NKAIN2: variants seen among roughly 807,000 people sequenced by gnomAD.
The protein encoded by NKAIN2 is sodium/potassium transporting ATPase interacting 2, also known as sodium/potassium-transporting ATPase subunit beta-1-interacting protein 2.
In NKAIN2, 14 loss-of-function variants were observed where a neutral mutation model predicts 32.6. The observed-to-expected ratio is 0.43, with a 90% CI of 0.28 to 0.67. The LOEUF is 0.67. NKAIN2 is among the 30% of genes least tolerant of loss of function. The pLI is 0.17. For missense variants in NKAIN2, 198 were observed against 258.3 expected, an observed-to-expected ratio of 0.77 and a Z score of 1.60; for synonymous variants, 80 against 87.2, an observed-to-expected ratio of 0.92 and a Z score of 0.46.
chr6:124,686,243 A>T (rs1773873276), intron 4 of NKAIN2, among the ~76,000 whole-genome samples: 1 of 152,192 alleles, frequency 6.6e-6, no homozygotes, highest in Non-Finnish European at 1.5e-5. Flanking sequence ...CAGGCCTTAC[A>T]TACAACCTGT....
chr6:124,611,438 G>T (rs1782685783), intron 3 of NKAIN2, among the ~76,000 whole-genome samples: 1 of 152,092 alleles, frequency 6.6e-6, no homozygotes, highest in Non-Finnish European at 1.5e-5. Flanking sequence ...GTATACATGT[G>T]CCATGGTGGT....
chr6:123,933,337 A>G (rs1348282279), intron 1 of NKAIN2, among the ~76,000 whole-genome samples: 1 of 152,192 alleles, frequency 6.6e-6, no homozygotes, highest in Admixed American at 6.6e-5. Flanking sequence ...TTCTAAATGC[A>G]AATAAGACCA....
chr6:124,385,921 T>C (rs1772878793), intron 3 of NKAIN2, among the ~76,000 whole-genome samples: 1 of 152,158 alleles, frequency 6.6e-6, no homozygotes, highest in Admixed American at 6.6e-5. Context: ...AGACTTTATT[T>C]CTCAGCATAA....
At chr6:124,659,721 T>C (rs773765062) in intron 4 of NKAIN2, among the ~76,000 whole-genome samples, 1 of 151,862 alleles carries the variant, frequency 6.6e-6, no homozygotes, top group Non-Finnish European at 1.5e-5. Flanking sequence ...CTGTGGAGGG[T>C]CTACATGGGC....
At chr6:124,339,819 G>C (rs374181368) in intron 2 of NKAIN2, among the ~76,000 whole-genome samples, 28 of 152,242 alleles carry the variant, frequency 1.8e-4, no homozygotes, top group African/African-American at 6.0e-4. Flanking sequence ...ACTATTGTGC[G>C]TGTGGAAGGT....
chr6:124,319,472 A>G (rs1056054038), intron 2 of NKAIN2, among the ~76,000 whole-genome samples: 42 of 152,116 alleles, frequency 2.8e-4, no homozygotes, highest in African/African-American at 9.2e-4. Flanking sequence ...AACCTCTATC[A>G]TATGTCACTG....
chr6:124,327,635 G>T (rs1797475796), intron 2 of NKAIN2, among the ~76,000 whole-genome samples: 1 of 152,020 alleles, frequency 6.6e-6, no homozygotes, highest in Admixed American at 6.6e-5. Flanking sequence ...ATTGAAAGAG[G>T]CAATCATAAA....
intron 3 of NKAIN2, among the ~76,000 whole-genome samples, chr6:124,420,547 AGT>A (rs1774700853): frequency 6.6e-6 from 1 of 152,176 alleles, no homozygotes; most frequent in Non-Finnish European, 1.5e-5. Flanking sequence ...TAGGCTTCTC[AGT>A]GTTAAAATTG....
intron 1 of NKAIN2, among the ~76,000 whole-genome samples, chr6:124,048,679 G>C (rs1045741488): frequency 8.6e-5 from 13 of 151,920 alleles, no homozygotes; most frequent in African/African-American, 3.1e-4. Context: ...AAATTCTTGG[G>C]GATATTTCTG....
At chr6:124,080,314 A>T (rs1783899792) in intron 1 of NKAIN2, among the ~76,000 whole-genome samples, 1 of 152,182 alleles carries the variant, frequency 6.6e-6, no homozygotes, top group African/African-American at 2.4e-5. Context: ...CCTAGAAGCT[A>T]GAATGTTAGA....
At chr6:124,268,746 A>T (rs149115876) in intron 1 of NKAIN2, among the ~76,000 whole-genome samples, 332 of 151,560 alleles carry the variant, frequency 2.2e-3, no homozygotes, top group African/African-American at 7.6e-3. Context: ...TTTATTCTAC[A>T]TATTCAGTAT....
At chr6:124,512,251 T>C (rs1778742191) in intron 3 of NKAIN2, among the ~76,000 whole-genome samples, 2 of 152,268 alleles carry the variant, frequency 1.3e-5, no homozygotes, top group South Asian at 2.1e-4. Flanking sequence ...GGCACCCAAA[T>C]ACACCATGGG....
intron 3 of NKAIN2, among the ~76,000 whole-genome samples, chr6:124,522,903 G>A (rs1779167888): frequency 6.6e-6 from 1 of 151,740 alleles, no homozygotes; most frequent in South Asian, 2.1e-4. Context: ...CAGCACTTTG[G>A]GAGGCCGAGG....
chr6:124,525,779 A>G (rs1335812374), intron 3 of NKAIN2, among the ~76,000 whole-genome samples: 1 of 152,190 alleles, frequency 6.6e-6, no homozygotes, highest in African/African-American at 2.4e-5. Flanking sequence ...AAAGCACCAC[A>G]TTATTGGAAG....
intron 1 of NKAIN2, among the ~76,000 whole-genome samples, chr6:124,143,601 T>G (rs1342882192): frequency 6.6e-6 from 1 of 152,224 alleles, no homozygotes; most frequent in Non-Finnish European, 1.5e-5. Context: ...CAGACCTAAT[T>G]GGAATATGTC....
chr6:123,834,678 G>A (rs1238102907), intron 1 of NKAIN2, among the ~76,000 whole-genome samples: 4 of 152,140 alleles, frequency 2.6e-5, no homozygotes, highest in South Asian at 2.1e-4. Flanking sequence ...TGACTTTCTC[G>A]CCATTAAGTA....
chr6:124,575,313 T>A (rs1781289555), intron 3 of NKAIN2, among the ~76,000 whole-genome samples: 1 of 152,206 alleles, frequency 6.6e-6, no homozygotes. Flanking sequence ...ATTTCAGGTA[T>A]GGACAATTGT....
At chr6:124,528,008 C>A (rs2114813525) in intron 3 of NKAIN2, among the ~76,000 whole-genome samples, 2 of 152,264 alleles carry the variant, frequency 1.3e-5, no homozygotes, top group Admixed American at 1.3e-4. Context: ...ATGATTAATA[C>A]CTTGCATTCC....
intron 1 of NKAIN2, among the ~76,000 whole-genome samples, chr6:124,149,594 G>GT (rs1359149085): frequency 6.6e-6 from 1 of 152,146 alleles, no homozygotes; most frequent in African/African-American, 2.4e-5. Context: ...AACCATAAAT[G>GT]TAAGGGTTTA....
Sources: gnomAD v4.1 joint callset for allele counts (sites outside exome capture counted in the v4.1 genomes callset) on GRCh38, gnomAD v4.1.1 for gene constraint, MANE v1.5 for transcripts, NCBI Gene and HGNC (gene_info 2026-07-23, HGNC 2026-07-21) for gene names.